Variants in CDKAL1 observed in about 807,000 individuals in gnomAD.
CDKAL1 encodes the protein CDKAL1 threonylcarbamoyladenosine tRNA methylthiotransferase, also known as threonylcarbamoyladenosine tRNA methylthiotransferase.
A neutral mutation model predicts 68.2 loss-of-function variants in CDKAL1; 32 were observed. That is an observed-to-expected ratio of 0.47 (90% confidence interval 0.35 to 0.63). The LOEUF is 0.63. Ranked by LOEUF, CDKAL1 falls within the 30% of genes least tolerant of loss-of-function variation. The pLI is 0.00. For synonymous variants in CDKAL1, 234 were observed against 244.3 expected, an observed-to-expected ratio of 0.96 and a Z score of 0.39; for missense variants, 606 against 696.7, an observed-to-expected ratio of 0.87 and a Z score of 1.47.
chr6:21,205,241 GAAT>G (rs1423077812), intron 15 of CDKAL1, among the ~76,000 whole-genome samples: 7 of 152,196 alleles, frequency 4.6e-5, no homozygotes, highest in African/African-American at 1.7e-4. Context: ...TGGCTGTTAT[GAAT>G]AATATTTGCT....
chr6:20,993,644 A>T (rs1025540313), intron 10 of CDKAL1: 2 of 152,358 alleles, frequency 1.3e-5, no homozygotes, highest in Non-Finnish European at 2.9e-5. Context: ...TTTGATGACT[A>T]TAGGGCAATA....
In CDKAL1 at chr6:20,890,149, C is replaced by T. The variant is rs530454213; in HGVS notation, c.742+43971C>T. 8.5e-5 allele frequency among the ~76,000 whole-genome samples: 13 copies of T among 152,190 alleles called. No homozygotes were observed. The Admixed American group carries it at 8.6e-4, about 10-fold the overall frequency. The stretch of plus-strand genomic sequence containing the variant: ...TCCTGAGCTTCGAAGATGATAGTCA[C>T]ACAGTGACAAAACACCTGTATGTTT... On this transcript the variant is annotated intron_variant, in intron 9 of 15. Coordinates refer to ENST00000274695, the MANE Select transcript of CDKAL1 (RefSeq NM_017774.3).
At chr6:20,734,519 C>T (rs1773098184) in intron 5 of CDKAL1, among the ~76,000 whole-genome samples, 1 of 152,008 alleles carries the variant, frequency 6.6e-6, no homozygotes, top group Non-Finnish European at 1.5e-5. Context: ...CTTTTATTAA[C>T]CTGAACAAAG....
chr6:21,075,394 T>G (rs1423477542), intron 12 of CDKAL1, among the ~76,000 whole-genome samples: 1 of 152,134 alleles, frequency 6.6e-6, no homozygotes, highest in African/African-American at 2.4e-5. Context: ...TTCTTAATTA[T>G]TTAAATCCCA....
chr6:21,114,948 TCTA>T (rs1407268661), intron 13 of CDKAL1, among the ~76,000 whole-genome samples: 1 of 152,178 alleles, frequency 6.6e-6, no homozygotes, highest in Non-Finnish European at 1.5e-5. Context: ...GGAATTCATA[TCTA>T]CTAGTGTACA....
intron 13 of CDKAL1, among the ~76,000 whole-genome samples, chr6:21,127,556 C>T (rs1293215214): frequency 1.3e-5 from 2 of 152,134 alleles, no homozygotes; most frequent in African/African-American, 4.8e-5. Context: ...TCAAGACCAG[C>T]CTGGCCAACA....
At chr6:20,915,989 T>C (rs1561882111) in intron 9 of CDKAL1, among the ~76,000 whole-genome samples, 2 of 151,892 alleles carry the variant, frequency 1.3e-5, no homozygotes, top group Admixed American at 1.3e-4. Context: ...GACAAAACTA[T>C]AGAGATAGAG....
chr6:20,891,877 C>G (rs74871212), intron 9 of CDKAL1, among the ~76,000 whole-genome samples: 53 of 152,284 alleles, frequency 3.5e-4, no homozygotes, highest in African/African-American at 1.2e-3. Context: ...TTCTGCTTTT[C>G]TCATGGTCAT....
chr6:20,887,242 C>T (rs754470448), intron 9 of CDKAL1, among the ~76,000 whole-genome samples: 2 of 152,178 alleles, frequency 1.3e-5, no homozygotes, highest in African/African-American at 2.4e-5. Context: ...GGGGTTTCCA[C>T]CCACTTTGGA....
chr6:21,230,830 CT>C lies in CDKAL1; in HGVS notation c.1549-17del, dbSNP rs773155407. On this transcript the variant is annotated splice_polypyrimidine_tract_variant and intron_variant, in intron 15 of 15. Coordinates refer to ENST00000274695, the MANE Select transcript of CDKAL1 (RefSeq NM_017774.3). The stretch of plus-strand genomic sequence containing the variant: ...CTGCATCTAAAAATAATTTTTTCCT[CT>C]GTTTCTCTCTTTATAGGACTTCAGA... The C allele has an allele frequency of 2.6e-6, 4 of 1,552,938 alleles. No individual in the cohort carries two copies. The highest frequency in any genetic ancestry group is 3.5e-6 in the Non-Finnish European group (4 of 1,144,806).
chr6:20,741,371 A>G (rs1224633242), intron 6 of CDKAL1, among the ~76,000 whole-genome samples: 1 of 152,064 alleles, frequency 6.6e-6, no homozygotes, highest in East Asian at 1.9e-4. Context: ...GGTTTGTTAT[A>G]CAGGTTAAAC....
chr6:20,613,524 C>T (rs928148527), intron 4 of CDKAL1, among the ~76,000 whole-genome samples: 15 of 151,020 alleles, frequency 9.9e-5, no homozygotes, highest in South Asian at 6.2e-4. Context: ...ACCTGCCCTC[C>T]TCGGCCTTCC....
intron 15 of CDKAL1, among the ~76,000 whole-genome samples, chr6:21,208,598 T>G (rs941884025): frequency 5.6e-5 from 6 of 106,430 alleles, no homozygotes; most frequent in Non-Finnish European, 1.1e-4. Context: ...TCCCAAGCAG[T>G]TTTTTCTGTT....
chr6:21,168,632 T>C (rs1245420916), intron 13 of CDKAL1, among the ~76,000 whole-genome samples: 1 of 152,190 alleles, frequency 6.6e-6, no homozygotes, highest in Non-Finnish European at 1.5e-5. Context: ...ACCATCTGTT[T>C]CTAAGGGCTA....
chr6:21,040,186 G>A (rs1769841287), intron 11 of CDKAL1, among the ~76,000 whole-genome samples: 1 of 152,122 alleles, frequency 6.6e-6, no homozygotes, highest in African/African-American at 2.4e-5. Context: ...ATGCATTTCA[G>A]ATCAACTTGG....
At chr6:20,637,668 T>A (rs1767969568) in intron 4 of CDKAL1, among the ~76,000 whole-genome samples, 1 of 152,224 alleles carries the variant, frequency 6.6e-6, no homozygotes, top group African/African-American at 2.4e-5. Flanking sequence ...TTTAGAATAG[T>A]TTCTAAATGA....
chr6:20,775,314 C>CTA (rs1481132856), intron 7 of CDKAL1, among the ~76,000 whole-genome samples: 1 of 151,982 alleles, frequency 6.6e-6, no homozygotes, highest in African/African-American at 2.4e-5. Context: ...TTTTTCTTTT[C>CTA]TATATTGTTT....
intron 13 of CDKAL1, among the ~76,000 whole-genome samples, chr6:21,161,923 A>G (rs1306128566): frequency 3.9e-5 from 6 of 152,240 alleles, no homozygotes; most frequent in Non-Finnish European, 8.8e-5. Context: ...GCACGTTTCA[A>G]TGGAAAATTC....
At chr6:20,644,940 C>T (rs1416260902) in intron 4 of CDKAL1, among the ~76,000 whole-genome samples, 2 of 152,196 alleles carry the variant, frequency 1.3e-5, no homozygotes, top group African/African-American at 4.8e-5. Context: ...CTAGATTGTA[C>T]AGCCTATGAC....
Sources: allele counts gnomAD v4.1 joint callset (sites outside exome capture counted in the v4.1 genomes callset), GRCh38; gene constraint gnomAD v4.1.1; transcripts MANE v1.5; gene names NCBI Gene and HGNC (gene_info 2026-07-23, HGNC 2026-07-21).